The following ANK2 variants were observed in gnomAD, a reference collection of about 807,000 sequenced individuals.
ANK2 encodes ankyrin 2, also known as ankyrin-2.
ANK2 carries 83 observed loss-of-function variants against 360.5 expected under a neutral mutation model. The observed-to-expected ratio is 0.23, with a 90% CI of 0.19 to 0.28. The LOEUF (loss-of-function observed/expected upper bound fraction) is 0.28. Ranked by LOEUF, ANK2 falls within the 10% of genes least tolerant of loss-of-function variation. ANK2 has a pLI of 1.00. For synonymous variants in ANK2, 1,740 were observed against 1,759.5 expected (o/e 0.99, Z 0.28); for missense variants, 4,201 against 4,795.7 (o/e 0.88, Z 3.66).
At chr4:113,369,940 A>G (rs2096668990) in intron 43 of ANK2, 135 bp downstream of exon 43, 4 of 1,038,380 alleles carry the variant, frequency 3.9e-6, no homozygotes, top group East Asian at 5.1e-5. Context: ...GGCACATGGA[A>G]ACCCTCAATC....
the ANK2 span, among the ~76,000 whole-genome samples, chr4:112,739,538 G>A: frequency 3.9e-5 from 6 of 152,110 alleles, no homozygotes; most frequent in Non-Finnish European, 5.9e-5. Flanking sequence ...CACTTGAACC[G>A]GGGAGGCGGA....
chr4:112,822,237 C>G (rs1399012581), intron 1 of ANK2, among the ~76,000 whole-genome samples: 1 of 107,338 alleles, frequency 9.3e-6, no homozygotes, highest in African/African-American at 3.8e-5. Flanking sequence ...CCTGTCTCTA[C>G]TAAAAAAAAA....
chr4:112,882,124 TC>T (rs2076868088), intron 1 of ANK2: 1 of 286,196 alleles, frequency 3.5e-6, no homozygotes, highest in African/African-American at 2.2e-5. Context: ...CTGTTCCGGC[TC>T]TTTAGGACAG....
chr4:113,322,526 G>A (rs899055452), intron 26 of ANK2, among the ~76,000 whole-genome samples: 3 of 152,282 alleles, frequency 2.0e-5, no homozygotes, highest in South Asian at 4.1e-4. Flanking sequence ...ACAACTCTTA[G>A]CAGTAGCTAG....
intron 1 of ANK2, among the ~76,000 whole-genome samples, chr4:113,161,829 G>A (rs1018350273): frequency 1.6e-4 from 25 of 152,068 alleles, no homozygotes; most frequent in African/African-American, 5.8e-4. Context: ...CCTTCCAGGG[G>A]CATTACAAGA....
chr4:113,313,174 C>A (rs1462078249), intron 24 of ANK2, among the ~76,000 whole-genome samples: 1 of 152,050 alleles, frequency 6.6e-6, no homozygotes, highest in East Asian at 1.9e-4. Flanking sequence ...TAGATTTGGA[C>A]CTTATACTCT....
intron 2 of ANK2, among the ~76,000 whole-genome samples, chr4:112,992,977 A>G (rs1159949480): frequency 6.6e-6 from 1 of 152,110 alleles, no homozygotes; most frequent in African/African-American, 2.4e-5. Context: ...CCCTTCATTA[A>G]TTTATTTAAA....
At chr4:113,233,987 C>A (rs1356068649) in intron 5 of ANK2, among the ~76,000 whole-genome samples, 2 of 152,146 alleles carry the variant, frequency 1.3e-5, no homozygotes, top group Admixed American at 6.5e-5. Flanking sequence ...TGCATCAGGG[C>A]CTCTGAGAAA....
chr4:113,314,897 A>G (rs896438920), intron 24 of ANK2, among the ~76,000 whole-genome samples: 1 of 152,170 alleles, frequency 6.6e-6, no homozygotes, highest in African/African-American at 2.4e-5. Flanking sequence ...AGAGGAGGCT[A>G]GAATACAACC....
intron 2 of ANK2, among the ~76,000 whole-genome samples, chr4:112,920,664 A>G (rs1172983590): frequency 6.6e-6 from 1 of 152,218 alleles, no homozygotes; most frequent in African/African-American, 2.4e-5. Flanking sequence ...TATTAGTTAT[A>G]AATAGTGTGC....
At chr4:112,882,138 C>T (rs370667727) in intron 1 of ANK2, 2 of 253,868 alleles carry the variant, frequency 7.9e-6, no homozygotes, top group East Asian at 8.7e-5. Flanking sequence ...TAGGACAGGA[C>T]GGCCCTGGGA....
At chr4:112,764,567 C>G in the ANK2 span, among the ~76,000 whole-genome samples, 2 of 152,274 alleles carry the variant, frequency 1.3e-5, no homozygotes, top group South Asian at 2.1e-4. Flanking sequence ...AACTTCTGAC[C>G]TCAGGTGATC....
At chr4:113,318,384 T>G in intron 25 of ANK2, 133 bp from the exon 26 acceptor site, 1 of 696,122 alleles carries the variant, frequency 1.4e-6, no homozygotes, top group Non-Finnish European at 2.6e-6. Flanking sequence ...TGTAAATACA[T>G]TGGTTTTATA....
chr4:113,065,929 C>A (rs1488538215), intron 1 of ANK2, among the ~76,000 whole-genome samples: 1 of 152,186 alleles, frequency 6.6e-6, no homozygotes, highest in African/African-American at 2.4e-5. Context: ...CACTATTTTA[C>A]TATAGTCACT....
At chr4:112,721,695 G>C in the ANK2 span, among the ~76,000 whole-genome samples, 56,575 of 151,966 alleles carry the variant, frequency 0.37, 11,846 homozygotes, top group Middle Eastern at 0.49. Context: ...TCTTTTCAAA[G>C]GGGAAAGTAA....
the ANK2 span, among the ~76,000 whole-genome samples, chr4:112,771,173 T>C: frequency 6.6e-6 from 1 of 152,196 alleles, no homozygotes; most frequent in African/African-American, 2.4e-5. Flanking sequence ...AGTGCAATGG[T>C]GCGATCTTGG....
chr4:113,049,476 C>CT (rs2065943151), upstream of ANK2, among the ~76,000 whole-genome samples: 1 of 152,134 alleles, frequency 6.6e-6, no homozygotes, highest in South Asian at 2.1e-4. Flanking sequence ...CCCTGGCATT[C>CT]TTTTTTCAAG....
intron 2 of ANK2, among the ~76,000 whole-genome samples, chr4:112,914,979 G>A (rs1175965779): frequency 6.6e-6 from 1 of 152,192 alleles, no homozygotes; most frequent in African/African-American, 2.4e-5. Context: ...GCAAGTGACG[G>A]CTGCCTCTGG....
chr4:112,874,180 C>T lies in ANK2; in HGVS notation c.-39-30275C>T, dbSNP rs1173576988. Among the ~76,000 whole-genome samples the T allele has an allele frequency of 2.0e-5, 3 of 147,554 alleles. No homozygotes were observed. In the East Asian group the frequency reaches 6.4e-4, roughly 32 times the overall value. ...CACTGCAACCTCCGCCTCCTGGGTTCAAGCGATTCTCCTGCCTCAGCCTCC... is the reference window on the plus strand; with the variant it reads ...CACTGCAACCTCCGCCTCCTGGGTTTAAGCGATTCTCCTGCCTCAGCCTCC... On this transcript the variant is annotated intron_variant, in intron 1 of 30. Coordinates refer to the ANK2 transcript ENST00000503271.
Sources: allele counts gnomAD v4.1 joint callset (sites outside exome capture counted in the v4.1 genomes callset), GRCh38; gene constraint gnomAD v4.1.1; transcripts MANE v1.5; gene names NCBI Gene and HGNC (gene_info 2026-07-23, HGNC 2026-07-21).